The following NREP variants were observed in gnomAD, a reference collection of about 807,000 sequenced individuals.
The protein encoded by NREP is neuronal regeneration related protein.
In NREP, 5 loss-of-function variants were observed where a neutral mutation model predicts 8.6. The ratio of observed to expected loss-of-function variants is 0.58; its 90% CI spans 0.30 to 1.22. The LOEUF (loss-of-function observed/expected upper bound fraction) is 1.22. Among genes scored for constraint, NREP ranks in the 50% most tolerant of loss-of-function variants. The pLI, the probability that NREP is intolerant of heterozygous loss-of-function variation, is 0.07. For missense variants in NREP, 86 were observed against 82.5 expected (o/e 1.04, Z -0.17); for synonymous variants, 27 against 28.0 (o/e 0.96, Z 0.11).
At chr5:111,906,933 A>G (rs777570913) in intron 2 of NREP, among the ~76,000 whole-genome samples, 1 of 151,976 alleles carries the variant, frequency 6.6e-6, no homozygotes, top group South Asian at 2.1e-4. Context: ...TTACAAAAAT[A>G]TATTTTTTAA....
intron 2 of NREP, among the ~76,000 whole-genome samples, chr5:111,769,223 A>G (rs1382204294): frequency 1.3e-5 from 2 of 152,204 alleles, no homozygotes; most frequent in Non-Finnish European, 2.9e-5. Flanking sequence ...TTCATCTTCA[A>G]TAAATATTTA....
intron 2 of NREP, among the ~76,000 whole-genome samples, chr5:111,964,245 A>G (rs1048527795): frequency 2.0e-5 from 3 of 152,198 alleles, no homozygotes; most frequent in Admixed American, 2.0e-4. Context: ...TTCATTTAAC[A>G]TATATTTTGA....
intron 2 of NREP, among the ~76,000 whole-genome samples, chr5:111,781,063 G>C (rs936585537): frequency 6.6e-6 from 1 of 152,064 alleles, no homozygotes; most frequent in African/African-American, 2.4e-5. Flanking sequence ...TTGTGTCATA[G>C]GGGTTTGTGG....
intron 2 of NREP, among the ~76,000 whole-genome samples, chr5:111,956,944 AC>A (rs1756338537): frequency 6.8e-6 from 1 of 148,142 alleles, no homozygotes; most frequent in African/African-American, 2.5e-5. Context: ...AGCCTGGATG[AC>A]ACAATGAGAC....
chr5:111,950,584 G>T (rs1422262229), intron 2 of NREP, among the ~76,000 whole-genome samples: 1 of 151,678 alleles, frequency 6.6e-6, no homozygotes, highest in Admixed American at 6.6e-5. Context: ...GCACGCAAAA[G>T]AAACTATCAT....
chr5:111,736,022 G>A (rs1185356743), intron 2 of NREP, among the ~76,000 whole-genome samples: 1 of 152,190 alleles, frequency 6.6e-6, no homozygotes, highest in Non-Finnish European at 1.5e-5. Flanking sequence ...CCAAGTGTCT[G>A]AGGGAGGGGC....
At chr5:111,763,649 T>C (rs867497651) in intron 2 of NREP, among the ~76,000 whole-genome samples, 1 of 152,230 alleles carries the variant, frequency 6.6e-6, no homozygotes, top group Middle Eastern at 3.2e-3. Context: ...CTTCTTGCCT[T>C]AAAACTGATC....
chr5:111,953,937 T>C (rs927656553), intron 2 of NREP, among the ~76,000 whole-genome samples: 2 of 152,092 alleles, frequency 1.3e-5, no homozygotes, highest in African/African-American at 4.8e-5. Flanking sequence ...AGTATCACCA[T>C]GTGTACCTGA....
intron 2 of NREP, among the ~76,000 whole-genome samples, chr5:111,935,660 A>G (rs1490291761): frequency 1.3e-5 from 2 of 152,132 alleles, no homozygotes; most frequent in African/African-American, 4.8e-5. Flanking sequence ...GGTTTGGGAT[A>G]AGATTATCCC....
chr5:111,754,836 A>T (rs1581085959), intron 2 of NREP, among the ~76,000 whole-genome samples: 1 of 152,194 alleles, frequency 6.6e-6, no homozygotes, highest in Non-Finnish European at 1.5e-5. Flanking sequence ...GTTGTTCTCA[A>T]AGAAAACATC....
intron 2 of NREP, among the ~76,000 whole-genome samples, chr5:111,940,577 A>T (rs1332148128): frequency 6.6e-6 from 1 of 152,056 alleles, no homozygotes; most frequent in Non-Finnish European, 1.5e-5. Context: ...TCTACCACAC[A>T]CCACTCATCA....
chr5:111,950,493 C>T (rs948907619), intron 2 of NREP, among the ~76,000 whole-genome samples: 1 of 152,056 alleles, frequency 6.6e-6, no homozygotes, highest in African/African-American at 2.4e-5. Flanking sequence ...ATGGGCGAAG[C>T]CTTCATGACT....
chr5:111,892,144 G>C (rs1441939468), intron 2 of NREP, among the ~76,000 whole-genome samples: 1 of 152,122 alleles, frequency 6.6e-6, no homozygotes, highest in African/African-American at 2.4e-5. Context: ...ACACAAAATA[G>C]TGCATATTAT....
At chr5:111,945,242 T>A (rs1755943318) in intron 2 of NREP, among the ~76,000 whole-genome samples, 1 of 152,124 alleles carries the variant, frequency 6.6e-6, no homozygotes, top group Non-Finnish European at 1.5e-5. Flanking sequence ...TTTTCAAGGC[T>A]CCATATGAGT....
At chr5:111,930,889 A>G (rs917520831) in intron 2 of NREP, among the ~76,000 whole-genome samples, 12 of 152,148 alleles carry the variant, frequency 7.9e-5, no homozygotes, top group Non-Finnish European at 1.5e-4. Context: ...TTACTCAAAA[A>G]TAATGTCACA....
intron 2 of NREP, among the ~76,000 whole-genome samples, chr5:111,773,579 C>T (rs1225989393): frequency 6.6e-6 from 1 of 152,074 alleles, no homozygotes; most frequent in African/African-American, 2.4e-5. Context: ...TTCAGTTGTG[C>T]AACAAAGATC....
intron 2 of NREP, among the ~76,000 whole-genome samples, chr5:111,920,294 ATTATGTTTTAATTTTACTT>A (rs1755201418): frequency 6.6e-6 from 1 of 151,808 alleles, no homozygotes; most frequent in African/African-American, 2.4e-5. Flanking sequence ...TCCTTTATTT[ATTATGTTTTAATTTTACTT>A]TAAAGTTTTA....
chr5:111,776,090 G>C (rs1484904684), intron 2 of NREP, among the ~76,000 whole-genome samples: 1 of 152,106 alleles, frequency 6.6e-6, no homozygotes, highest in Non-Finnish European at 1.5e-5. Context: ...CTCAAACCCT[G>C]CCAGGAGCAG....
At chr5:111,778,385 G>A (rs377331038) in intron 2 of NREP, among the ~76,000 whole-genome samples, 2 of 152,202 alleles carry the variant, frequency 1.3e-5, no homozygotes, top group Non-Finnish European at 2.9e-5. Flanking sequence ...TCCTCACTAC[G>A]AGTGAGGAAA....
Sources: gnomAD v4.1 joint callset for allele counts (sites outside exome capture counted in the v4.1 genomes callset) on GRCh38, gnomAD v4.1.1 for gene constraint, MANE v1.5 for transcripts, NCBI Gene and HGNC (gene_info 2026-07-23, HGNC 2026-07-21) for gene names.